SGCD: variants seen among roughly 807,000 people sequenced by gnomAD.
The protein encoded by SGCD is delta-sarcoglycan.
SGCD carries 18 observed loss-of-function variants against 36.6 expected under a neutral mutation model. The ratio of observed to expected loss-of-function variants is 0.49; its 90% CI spans 0.34 to 0.73. The LOEUF (loss-of-function observed/expected upper bound fraction) is 0.73. Among genes scored for constraint, SGCD ranks in the 30% least tolerant of loss-of-function variants. The pLI is 0.01. For synonymous variants in SGCD, 133 were observed against 130.6 expected (o/e 1.02, Z -0.12); for missense variants, 387 against 346.7 (o/e 1.12, Z -0.92).
At chr5:155,962,335 G>C (rs576029211) in intron 1 of SGCD, among the ~76,000 whole-genome samples, 1 of 152,032 alleles carries the variant, frequency 6.6e-6, no homozygotes, top group Non-Finnish European at 1.5e-5. Flanking sequence ...TCCTCCCAGA[G>C]CCCCTATCTT....
In SGCD at chr5:156,390,716, G is replaced by A. The variant is rs1467081708; in HGVS notation, c.192+46039G>A. On this transcript the variant is annotated intron_variant, in intron 3 of 8. Transcript: ENST00000337851. ...TTGCACTCCAGCCTGGGCAACAAGA[G>A]TGAAACTCTATCTCAGGGAAAAAAA... Among the ~76,000 whole-genome samples, 4 of 151,950 alleles carry A rather than the reference G, an allele frequency of 2.6e-5. No individual in the cohort carries two copies. In the East Asian group the frequency reaches 7.7e-4, roughly 29 times the overall value.
intron 1 of SGCD, among the ~76,000 whole-genome samples, chr5:156,094,787 G>C (rs1438368164): frequency 6.6e-6 from 1 of 152,098 alleles, no homozygotes; most frequent in African/African-American, 2.4e-5. Context: ...CAGATCATGA[G>C]GTCAAGAGAT....
chr5:156,084,795 G>A (rs530912161), intron 1 of SGCD, among the ~76,000 whole-genome samples: 36 of 152,204 alleles, frequency 2.4e-4, no homozygotes, highest in African/African-American at 7.9e-4. Flanking sequence ...AAGCATTTAT[G>A]TTTTCATTAA....
At position 156,589,289 on chromosome 5, in the gene SGCD, A is replaced by G; in HGVS notation, c.353A>G (p.Gln118Arg). 6.4e-7 allele frequency: 1 copy of G among 1,574,224 alleles called. No individual in the cohort carries two copies. The highest frequency in any genetic ancestry group is 8.6e-7 in the Non-Finnish European group (1 of 1,158,024). Reference sequence around the variant, plus strand: ...GTTACAGTGAACATTCTCAATGACCAGACTAAAGTGCTAACTCAGCTTATA... The same window carrying G: ...GTTACAGTGAACATTCTCAATGACCGGACTAAAGTGCTAACTCAGCTTATA... ...RNVTVNILND[Q>R]TKVLTQLITG... Residue 118 changes from glutamine to arginine, a missense_variant, in exon 5 of 9, where the codon CAG becomes CGG. Gln to Arg is a conservative substitution (Grantham distance 43). Transcript: ENST00000337851.
At chr5:155,994,531 A>G (rs1175808364) in intron 1 of SGCD, among the ~76,000 whole-genome samples, 1 of 152,184 alleles carries the variant, frequency 6.6e-6, no homozygotes, top group East Asian at 1.9e-4. Flanking sequence ...ATAAAGTGAA[A>G]GTTACTCTGA....
rs540601709 is a variant in SGCD at position 156,345,375 on chromosome 5, G to A, written c.192+698G>A. 1.1e-4 allele frequency among the ~76,000 whole-genome samples: 16 copies of A among 152,250 alleles called. No homozygotes were observed. The South Asian group carries it at 2.9e-3, about 28-fold the overall frequency. ...AAAATCCTGAAAAATGACTTTTGGAGTTATTTAGAGGTTTTATACCTAGAA... is the reference window on the plus strand; with the variant it reads ...AAAATCCTGAAAAATGACTTTTGGAATTATTTAGAGGTTTTATACCTAGAA... On this transcript the variant is annotated intron_variant, in intron 3 of 8. Transcript: ENST00000337851.
chr5:155,737,441 C>G, the SGCD span, among the ~76,000 whole-genome samples: 19 of 152,226 alleles, frequency 1.2e-4, no homozygotes, highest in East Asian at 1.9e-4. Context: ...AAATCATACT[C>G]TTACTATAGA....
At chr5:156,017,250 C>T (rs1261851877) in intron 1 of SGCD, among the ~76,000 whole-genome samples, 5 of 152,040 alleles carry the variant, frequency 3.3e-5, no homozygotes, top group Admixed American at 6.6e-5. Flanking sequence ...TTTGAGATGA[C>T]GCTGCAAATA....
chr5:156,404,016 G>A (rs749636883), intron 3 of SGCD, among the ~76,000 whole-genome samples: 1 of 151,960 alleles, frequency 6.6e-6, no homozygotes, highest in Non-Finnish European at 1.5e-5. Context: ...TGTATTTTTA[G>A]TAGAGACAAG....
At chr5:156,544,263 A>G (rs959338012) in intron 4 of SGCD, among the ~76,000 whole-genome samples, 5 of 152,218 alleles carry the variant, frequency 3.3e-5, no homozygotes, top group African/African-American at 1.2e-4. Flanking sequence ...CTTGCCTTCT[A>G]ATGCTCAGTT....
chr5:155,757,247 A>G, the SGCD span, among the ~76,000 whole-genome samples: 1 of 152,220 alleles, frequency 6.6e-6, no homozygotes. Flanking sequence ...GGCTTAATCT[A>G]TAATAACAAT....
At chr5:155,815,900 C>A in the SGCD span, among the ~76,000 whole-genome samples, 2 of 152,088 alleles carry the variant, frequency 1.3e-5, no homozygotes, top group African/African-American at 4.8e-5. Context: ...GTCAAATGTA[C>A]ACAGTTTTGC....
In SGCD at chr5:156,624,303, C is replaced by T. The variant is rs1014255632; in HGVS notation, c.503-23161C>T. On this transcript the variant is annotated intron_variant, in intron 6 of 8. Transcript: ENST00000337851. ...ATAACATCAAAAACCACTCTTGGGCCAGGCGCGGTGGCTCATGCCTGTAAT... is the reference window on the plus strand; with the variant it reads ...ATAACATCAAAAACCACTCTTGGGCTAGGCGCGGTGGCTCATGCCTGTAAT... Among the ~76,000 whole-genome samples the T allele has an allele frequency of 1.2e-4, 19 of 152,236 alleles. 1 individual carries two copies. Among genetic ancestry groups the T allele is most frequent in the Middle Eastern group, 3.4e-3 (1 of 294 alleles).
intron 1 of SGCD, among the ~76,000 whole-genome samples, chr5:156,011,191 A>G (rs991673277): frequency 3.9e-5 from 6 of 152,224 alleles, no homozygotes; most frequent in African/African-American, 1.4e-4. Flanking sequence ...TTAAATCCTT[A>G]TAATGGCTCT....
At chr5:155,851,964 A>C in the SGCD span, among the ~76,000 whole-genome samples, 21 of 152,152 alleles carry the variant, frequency 1.4e-4, no homozygotes, top group African/African-American at 5.1e-4. Flanking sequence ...GCTCCTTGGG[A>C]GCTCCTCTAG....
chr5:156,739,293 A>T (rs1324747260), intron 7 of SGCD, among the ~76,000 whole-genome samples: 2 of 152,240 alleles, frequency 1.3e-5, no homozygotes, highest in Non-Finnish European at 2.9e-5. Flanking sequence ...CATTGCATTC[A>T]ACACGAGGCA....
intron 2 of SGCD, among the ~76,000 whole-genome samples, chr5:156,335,425 C>T (rs972247102): frequency 2.6e-5 from 4 of 152,154 alleles, no homozygotes; most frequent in Admixed American, 1.3e-4. Flanking sequence ...AACATGTCTG[C>T]TCTATGTCTA....
intron 7 of SGCD, among the ~76,000 whole-genome samples, chr5:156,739,065 T>C (rs1214866711): frequency 6.6e-6 from 1 of 152,160 alleles, no homozygotes; most frequent in African/African-American, 2.4e-5. Context: ...TAAGATATAT[T>C]AAGAGGGGGA....
At chr5:155,875,327 G>A (rs1414793906) in intron 1 of SGCD, among the ~76,000 whole-genome samples, 1 of 152,026 alleles carries the variant, frequency 6.6e-6, no homozygotes, top group Non-Finnish European at 1.5e-5. Flanking sequence ...TAATTCCATA[G>A]GTAGAATTAA....
Sources: gnomAD v4.1 joint callset for allele counts (sites outside exome capture counted in the v4.1 genomes callset) on GRCh38, gnomAD v4.1.1 for gene constraint, MANE v1.5 for transcripts, NCBI Gene and HGNC (gene_info 2026-07-23, HGNC 2026-07-21) for gene names.